STIM1: variants seen among roughly 807,000 people sequenced by gnomAD.
The protein encoded by STIM1 is stromal interaction molecule 1.
A neutral mutation model predicts 74.7 loss-of-function variants in STIM1; 25 were observed. That is an observed-to-expected ratio of 0.33 (90% CI 0.24 to 0.47). STIM1 has a LOEUF of 0.47. Ranked by LOEUF, STIM1 falls within the 20% of genes least tolerant of loss-of-function variation. STIM1 has a pLI of 1.00. For synonymous variants in STIM1, 328 were observed against 348.8 expected, an observed-to-expected ratio of 0.94 and a Z score of 0.66; for missense variants, 728 against 920.8, an observed-to-expected ratio of 0.79 and a Z score of 2.71.
Position 4,010,615 on chromosome 11 carries a change from C to T in STIM1, c.271-13258C>T, listed in dbSNP as rs150159120. ...ACCTGAAATGAGGGACATTATTAAC[C>T]CTAATTTTGAGAGGAAAATAGGCTC... is the stretch of plus-strand genomic sequence containing the variant. On this transcript the variant is annotated intron_variant, in intron 2 of 12. Coordinates refer to ENST00000526596, the MANE Select transcript of STIM1 (RefSeq NM_001382567.1). 1.5e-3 allele frequency among the ~76,000 whole-genome samples: 233 copies of T among 152,208 alleles called. 1 individual carries two copies. Among genetic ancestry groups the T allele is most frequent in the African/African-American group, 5.5e-3 (227 of 41,506 alleles).
At chr11:3,950,379 G>T (rs925517523) in intron 1 of STIM1, among the ~76,000 whole-genome samples, 4 of 152,096 alleles carry the variant, frequency 2.6e-5, no homozygotes, top group Non-Finnish European at 5.9e-5. Flanking sequence ...AGATCTGCCC[G>T]CCTCGGCCTC....
intron 2 of STIM1, among the ~76,000 whole-genome samples, chr11:4,007,281 T>C (rs538718569): frequency 1.3e-5 from 2 of 152,342 alleles, no homozygotes; most frequent in African/African-American, 4.8e-5. Context: ...AGAGAAGAGC[T>C]GCTTGTTCTA....
chr11:3,880,530 G>A (rs2135318662), intron 1 of STIM1, among the ~76,000 whole-genome samples: 1 of 152,252 alleles, frequency 6.6e-6, no homozygotes, highest in East Asian at 1.9e-4. Context: ...AAGAACTTTG[G>A]CATTAGAATT....
rs147380381 is a variant in STIM1 at position 3,908,611 on chromosome 11, C to CAAA, written c.139+52213_139+52215dup. The stretch of plus-strand genomic sequence containing the variant: ...TGGGTGACAGAGCGAGACTCCATCT[C>CAAA]AAAAAAAAAAAAAGTTATTTGCCAA... On this transcript the variant is annotated intron_variant, in intron 1 of 12. Transcript: ENST00000526596. Among the ~76,000 whole-genome samples, 73 of 140,944 alleles carry CAAA rather than the reference C, an allele frequency of 5.2e-4. 1 individual carries two copies. The highest frequency in any genetic ancestry group is 1.3e-3 in the Admixed American group (18 of 14,232). The allele number at this position is 140,944 out of a possible 152,430, so 92.5% of individuals were successfully genotyped here. A position where few individuals can be genotyped will look rare whatever the true frequency, so the allele number is the denominator to read the frequency against.
At chr11:3,904,952 C>A (rs2135452794) in intron 1 of STIM1, among the ~76,000 whole-genome samples, 1 of 151,932 alleles carries the variant, frequency 6.6e-6, no homozygotes, top group East Asian at 1.9e-4. Flanking sequence ...ATGAGATCAC[C>A]TGAGTAAAAT....
chr11:4,029,695 A>T (rs1008553546), intron 3 of STIM1, among the ~76,000 whole-genome samples: 1 of 152,116 alleles, frequency 6.6e-6, no homozygotes. Flanking sequence ...ACCACCTGGC[A>T]CCCTGAGCTG....
At chr11:3,857,376 C>T (rs913625115) in intron 1 of STIM1, among the ~76,000 whole-genome samples, 7 of 151,818 alleles carry the variant, frequency 4.6e-5, no homozygotes, top group Non-Finnish European at 1.5e-5. Context: ...CTCAGCCTCC[C>T]GGTAGCTGGG....
Position 3,859,793 on chromosome 11 carries a change from A to G in STIM1, c.139+3384A>G, listed in dbSNP as rs181933062. Among the ~76,000 whole-genome samples the G allele has an allele frequency of 3.9e-5, 6 of 152,362 alleles. No homozygotes were observed. The East Asian group carries it at 1.2e-3, about 29-fold the overall frequency. On this transcript the variant is annotated intron_variant, in intron 1 of 12. Coordinates refer to ENST00000526596, the MANE Select transcript of STIM1 (RefSeq NM_001382567.1). ...AACTGGGCTGGGGCCAAGAGCAGGT[A>G]GGTGGGGCTTGGCTGAAGCTAATAC...
At chr11:3,895,865 C>T (rs867137755) in intron 1 of STIM1, among the ~76,000 whole-genome samples, 1,653 of 93,454 alleles carry the variant, frequency 0.018, 385 homozygotes, top group African/African-American at 0.048. Context: ...CTCTCTCTCT[C>T]TCTTTCTTTT....
intron 6 of STIM1, 24 bp downstream of exon 6, chr11:4,070,227 G>C: frequency 1.9e-6 from 3 of 1,613,144 alleles, no homozygotes; most frequent in Non-Finnish European, 2.5e-6. Context: ...CTTCAGGAAA[G>C]GTGAGGCCCT....
At chr11:4,056,123 A>G (rs1033654505) in intron 4 of STIM1, among the ~76,000 whole-genome samples, 14 of 152,074 alleles carry the variant, frequency 9.2e-5, no homozygotes, top group Admixed American at 9.2e-4. Context: ...TGCCTCTTTT[A>G]TCACCCGGGA....
chr11:4,033,971 C>T (rs1165238574), intron 3 of STIM1, among the ~76,000 whole-genome samples: 5 of 151,802 alleles, frequency 3.3e-5, no homozygotes, highest in African/African-American at 1.2e-4. Context: ...TGGCTTATGC[C>T]TGTAATCCCA....
chr11:4,088,671 C>T, intron 12 of STIM1: 1 of 1,534,760 alleles, frequency 6.5e-7, no homozygotes. Flanking sequence ...GGCCTGTTCA[C>T]TACTTAATTT....
At chr11:4,032,389 G>A (rs1463184338) in intron 3 of STIM1, among the ~76,000 whole-genome samples, 3 of 152,108 alleles carry the variant, frequency 2.0e-5, no homozygotes, top group Non-Finnish European at 2.9e-5. Context: ...ATTATGATAC[G>A]CTGATCTATC....
intron 1 of STIM1, among the ~76,000 whole-genome samples, chr11:3,904,372 A>G (rs1353753910): frequency 6.6e-6 from 1 of 152,032 alleles, no homozygotes; most frequent in African/African-American, 2.4e-5. Context: ...ATATTCAGTG[A>G]ATGACGAGTT....
intron 3 of STIM1, among the ~76,000 whole-genome samples, chr11:4,053,489 C>G (rs1489999985): frequency 6.6e-6 from 1 of 151,802 alleles, no homozygotes; most frequent in East Asian, 1.9e-4. Flanking sequence ...GAACAAAAAA[C>G]CAAACACCGC....
At chr11:3,991,406 A>G (rs1434200539) in intron 2 of STIM1, among the ~76,000 whole-genome samples, 2 of 151,342 alleles carry the variant, frequency 1.3e-5, no homozygotes, top group Non-Finnish European at 2.9e-5. Context: ...CCTGGGCTCA[A>G]GCTCTCCTCC....
chr11:4,058,711 C>T (rs750704445), intron 4 of STIM1: 15 of 808,456 alleles, frequency 1.9e-5, no homozygotes, highest in Non-Finnish European at 2.1e-5. Flanking sequence ...TTGGAGGTAA[C>T]TTGTATTGCA....
intron 1 of STIM1, among the ~76,000 whole-genome samples, chr11:3,910,702 C>A (rs1397243120): frequency 6.6e-6 from 1 of 152,000 alleles, no homozygotes; most frequent in African/African-American, 2.4e-5. Context: ...TAAAAACAGG[C>A]CGGGCGAGGT....
Sources: gnomAD v4.1 joint callset for allele counts (sites outside exome capture counted in the v4.1 genomes callset) on GRCh38, gnomAD v4.1.1 for gene constraint, MANE v1.5 for transcripts, NCBI Gene and HGNC (gene_info 2026-07-23, HGNC 2026-07-21) for gene names.